The following ANO10 variants were observed in gnomAD, a reference collection of about 807,000 sequenced individuals.
ANO10 encodes anoctamin 10.
In ANO10, 77 loss-of-function variants were observed where a neutral mutation model predicts 74.7. That is an observed-to-expected ratio of 1.03 (90% CI 0.86 to 1.25). The LOEUF is 1.25. ANO10 is among the 50% of genes most tolerant of loss of function. The pLI is 0.00. For synonymous variants in ANO10, 279 were observed against 284.9 expected, an observed-to-expected ratio of 0.98 and a Z score of 0.21; for missense variants, 721 against 778.1, an observed-to-expected ratio of 0.93 and a Z score of 0.87.
intron 11 of ANO10, among the ~76,000 whole-genome samples, chr3:43,475,701 A>T (rs1246592376): frequency 6.6e-6 from 1 of 152,102 alleles, no homozygotes; most frequent in Admixed American, 6.5e-5. Flanking sequence ...TGGGTTCAGG[A>T]CAGTCTCCTG....
At chr3:43,418,831 T>C (rs75919775) in intron 12 of ANO10, among the ~76,000 whole-genome samples, 22,202 of 152,244 alleles carry the variant, frequency 0.15, 1,766 homozygotes, top group African/African-American at 0.18. Context: ...AAGAAGGGAA[T>C]GGCAATAGGT....
chr3:43,527,110 A>G (rs1485848203), intron 11 of ANO10, among the ~76,000 whole-genome samples: 4 of 151,942 alleles, frequency 2.6e-5, no homozygotes, highest in Non-Finnish European at 2.9e-5. Flanking sequence ...CAAGATTTAA[A>G]TCATAGATTT....
At chr3:43,514,843 T>A (rs1043537659) in intron 11 of ANO10, among the ~76,000 whole-genome samples, 5 of 152,166 alleles carry the variant, frequency 3.3e-5, no homozygotes, top group African/African-American at 1.2e-4. Flanking sequence ...AATCCCAGTA[T>A]CTGGAAACTA....
intron 10 of ANO10, among the ~76,000 whole-genome samples, chr3:43,553,435 G>A (rs2149320581): frequency 6.6e-6 from 1 of 152,062 alleles, no homozygotes; most frequent in East Asian, 1.9e-4. Context: ...TGTAACTCCA[G>A]TGACATGAAT....
In ANO10 at chr3:43,561,364, G is replaced by A; in HGVS notation, c.1332C>T (p.Asn444=). 5.0e-6 allele frequency: 8 copies of A among 1,614,124 alleles called. No individual in the cohort carries two copies. The highest frequency in any genetic ancestry group is 6.8e-6 in the Non-Finnish European group (8 of 1,180,024). Residue 444 remains asparagine, a synonymous_variant, in exon 9 of 13, where the codon AAC becomes AAT. Transcript: ENST00000292246. ...AAGGAAGAAAAGATTCCATAATTTG[G>A]TTGAGGATCTGGGAGGTAATTAGGA... ...ATLLITSQIL[N]QIMESFLPYW...
chr3:43,623,608 C>A (rs535290107), upstream of ANO10, among the ~76,000 whole-genome samples: 111 of 152,340 alleles, frequency 7.3e-4, 1 homozygote, highest in African/African-American at 2.6e-3. Context: ...AATGCCTCAA[C>A]AAACTGCAGT....
At chr3:43,512,430 G>A (rs1379288966) in intron 11 of ANO10, among the ~76,000 whole-genome samples, 5 of 152,142 alleles carry the variant, frequency 3.3e-5, no homozygotes, top group Non-Finnish European at 7.4e-5. Flanking sequence ...ACAATGTTAT[G>A]ACGTGGTACT....
At chr3:43,469,144 G>GC (rs1297090355) in intron 11 of ANO10, among the ~76,000 whole-genome samples, 4 of 137,530 alleles carry the variant, frequency 2.9e-5, no homozygotes, top group Non-Finnish European at 6.1e-5. Context: ...CCAGGTTCAA[G>GC]CGATTCTCCT....
At position 43,460,337 on chromosome 3, in the gene ANO10, A is replaced by G. The variant is rs537071761; in HGVS notation, c.1798-27610T>C. Among the ~76,000 whole-genome samples, 75 of 152,334 alleles carry G rather than the reference A, an allele frequency of 4.9e-4. 1 individual carries two copies. The South Asian group carries it at 0.014, about 29-fold the overall frequency. On this transcript the variant is annotated intron_variant, in intron 11 of 12. Transcript: ENST00000292246. ...GAAGTTCATCTCTCCCTATAATCCT[A>G]TGTGCAAATGGCTGCAGCTAAGTAA...
chr3:43,366,621 G>A lies in ANO10; in HGVS notation c.*285C>T, dbSNP rs181645066. 1.7e-4 allele frequency: 87 copies of A among 515,646 alleles called. No individual in the cohort carries two copies. Among genetic ancestry groups the A allele is most frequent in the Middle Eastern group, 1.1e-3 (2 of 1,830 alleles). The allele number at this position is 515,646 out of a possible 1,614,324, so 31.9% of individuals were successfully genotyped here. ...CACTCATGGTGAGAGGCTCAAGGGC[G>A]GCAGTGGCTCTGCAGCAAAGTTGGC... On this transcript the variant is annotated 3_prime_UTR_variant, in exon 13 of 13. Coordinates refer to ENST00000292246, the MANE Select transcript of ANO10 (RefSeq NM_018075.5).
Position 43,372,933 on chromosome 3 carries a change from G to A in ANO10, c.1915-5959C>T, listed in dbSNP as rs937617154. ...CTTGTGAAGCCTCTTTTTTTCATGCGTATGAAAGAGAAAAGCCTCTTTTCT... is the reference window on the plus strand; with the variant it reads ...CTTGTGAAGCCTCTTTTTTTCATGCATATGAAAGAGAAAAGCCTCTTTTCT... On this transcript the variant is annotated intron_variant, in intron 12 of 12. Transcript: ENST00000292246. The A allele has an allele frequency of 8.4e-5, 110 of 1,306,746 alleles. 1 individual carries two copies. Among genetic ancestry groups the A allele is most frequent in the South Asian group, 7.9e-4 (59 of 74,906 alleles). The allele number at this position is 1,306,746 out of a possible 1,614,324, so 80.9% of individuals were successfully genotyped here. A position where few individuals can be genotyped will look rare whatever the true frequency, so the allele number is the denominator to read the frequency against.
At chr3:43,578,945 C>T (rs1575472540) in intron 5 of ANO10, among the ~76,000 whole-genome samples, 1 of 151,806 alleles carries the variant, frequency 6.6e-6, no homozygotes, top group African/African-American at 2.4e-5. Context: ...AGAATATAAA[C>T]AAAATTCAAA....
intron 1 of ANO10, among the ~76,000 whole-genome samples, chr3:43,656,948 C>T (rs906353620): frequency 5.9e-5 from 9 of 152,250 alleles, no homozygotes; most frequent in Non-Finnish European, 7.3e-5. Flanking sequence ...GCGCTGAGAG[C>T]GAGCAAGGGC....
intron 1 of ANO10, among the ~76,000 whole-genome samples, chr3:43,667,401 T>G (rs1396450868): frequency 6.6e-6 from 1 of 152,130 alleles, no homozygotes; most frequent in Non-Finnish European, 1.5e-5. Flanking sequence ...ATCCATGTAA[T>G]TTAATTTGTG....
At chr3:43,379,430 AAC>A (rs1238993067) in intron 12 of ANO10, among the ~76,000 whole-genome samples, 1 of 150,832 alleles carries the variant, frequency 6.6e-6, no homozygotes, top group Non-Finnish European at 1.5e-5. Flanking sequence ...CACTCAGGCA[AAC>A]AGAGCAGTGT....
At chr3:43,393,794 A>G (rs2092323984) in intron 12 of ANO10, among the ~76,000 whole-genome samples, 1 of 152,150 alleles carries the variant, frequency 6.6e-6, no homozygotes, top group Non-Finnish European at 1.5e-5. Flanking sequence ...TACCTACACC[A>G]TGAAGGTTCC....
chr3:43,591,224 C>A (rs1214433231), intron 4 of ANO10, among the ~76,000 whole-genome samples: 1 of 152,150 alleles, frequency 6.6e-6, no homozygotes, highest in Non-Finnish European at 1.5e-5. Context: ...TGCAGACCCA[C>A]CATTGACTTC....
chr3:43,397,979 T>C (rs1409425523), intron 12 of ANO10, among the ~76,000 whole-genome samples: 2 of 152,238 alleles, frequency 1.3e-5, no homozygotes, highest in Admixed American at 6.5e-5. Flanking sequence ...TTACTCCATC[T>C]TGACAGGAAG....
chr3:43,643,687 T>TC (rs1253210321), intron 1 of ANO10, among the ~76,000 whole-genome samples: 2 of 147,014 alleles, frequency 1.4e-5, no homozygotes, highest in African/African-American at 5.1e-5. Context: ...TCTTTTCTTT[T>TC]TTTTTTTTTT....
Sources: gnomAD v4.1 joint callset for allele counts (sites outside exome capture counted in the v4.1 genomes callset) on GRCh38, gnomAD v4.1.1 for gene constraint, MANE v1.5 for transcripts, NCBI Gene and HGNC (gene_info 2026-07-23, HGNC 2026-07-21) for gene names.